The following NALF1 variants were observed in gnomAD, a reference collection of about 807,000 sequenced individuals.
NALF1 encodes NALCN channel auxiliary factor 1.
NALF1 carries 3 observed loss-of-function variants against 48.4 expected under a neutral mutation model. The observed-to-expected ratio is 0.06, with a 90% confidence interval of 0.03 to 0.16. The LOEUF (loss-of-function observed/expected upper bound fraction) is 0.16. Among genes scored for constraint, NALF1 ranks in the 10% least tolerant of loss-of-function variants. NALF1 has a pLI of 1.00. For synonymous variants in NALF1, 262 were observed against 245.7 expected (o/e 1.07, Z -0.62); for missense variants, 526 against 571.5 (o/e 0.92, Z 0.81).
At chr13:107,280,563 C>T (rs1320418537) in intron 1 of NALF1, among the ~76,000 whole-genome samples, 1 of 152,148 alleles carries the variant, frequency 6.6e-6, no homozygotes, top group Non-Finnish European at 1.5e-5. Context: ...CAGAAGGTCC[C>T]ACCACACTAT....
intron 2 of NALF1, among the ~76,000 whole-genome samples, chr13:107,205,490 T>A (rs1299995513): frequency 2.6e-5 from 4 of 151,782 alleles, no homozygotes; most frequent in African/African-American, 4.8e-5. Context: ...GCGCGCAGAG[T>A]CGCCACCAGG....
chr13:107,757,119 C>G (rs1293431077), intron 1 of NALF1, among the ~76,000 whole-genome samples: 2 of 152,092 alleles, frequency 1.3e-5, no homozygotes, highest in Admixed American at 1.3e-4. Context: ...AAGAAATAGC[C>G]CATGCCTTTA....
rs34271681 is a variant in NALF1 at position 107,241,051 on chromosome 13, T to TAAAAA, written c.916-30301_916-30297dup. The stretch of plus-strand genomic sequence containing the variant: ...CAACGTGGCGAAACCCCATATCTAC[T>TAAAAA]AAAAAAAAAAAAAAAAAAAAAAAGC... On this transcript the variant is annotated intron_variant, in intron 1 of 2. Coordinates refer to ENST00000375915, the MANE Select transcript of NALF1 (RefSeq NM_001080396.3). 3.3e-4 allele frequency among the ~76,000 whole-genome samples: 22 copies of TAAAAA among 66,370 alleles called. 1 individual carries two copies. Among genetic ancestry groups the TAAAAA allele is most frequent in the East Asian group, 6.1e-4 (1 of 1,652 alleles). The allele number at this position is 66,370 out of a possible 152,430, so 43.5% of individuals were successfully genotyped here.
At chr13:107,600,033 A>T (rs1878878596) in intron 1 of NALF1, among the ~76,000 whole-genome samples, 1 of 152,230 alleles carries the variant, frequency 6.6e-6, no homozygotes. Context: ...AACTAGATAA[A>T]TATCTCAGTT....
At chr13:107,643,224 T>G (rs1229281823) in intron 1 of NALF1, among the ~76,000 whole-genome samples, 1 of 152,206 alleles carries the variant, frequency 6.6e-6, no homozygotes, top group Non-Finnish European at 1.5e-5. Flanking sequence ...CACAGTGATG[T>G]TATACTTAAG....
At chr13:107,568,974 G>C (rs1449128771) in intron 1 of NALF1, among the ~76,000 whole-genome samples, 3 of 152,128 alleles carry the variant, frequency 2.0e-5, no homozygotes, top group African/African-American at 7.2e-5. Flanking sequence ...GATTATGCTT[G>C]TGATGTCCAA....
At chr13:107,392,854 G>A (rs1056286882) in intron 1 of NALF1, among the ~76,000 whole-genome samples, 4 of 152,122 alleles carry the variant, frequency 2.6e-5, no homozygotes, top group African/African-American at 9.7e-5. Flanking sequence ...TTTGGAAGGT[G>A]CCATCTACCA....
intron 1 of NALF1, among the ~76,000 whole-genome samples, chr13:107,800,367 T>A (rs1878568494): frequency 6.6e-6 from 1 of 151,940 alleles, no homozygotes; most frequent in Non-Finnish European, 1.5e-5. Context: ...CATATCACTT[T>A]TTCAGGAGTT....
chr13:107,255,653 C>T (rs1160099394), intron 1 of NALF1, among the ~76,000 whole-genome samples: 1 of 152,270 alleles, frequency 6.6e-6, no homozygotes, highest in East Asian at 1.9e-4. Flanking sequence ...TCAACATATA[C>T]CAAGTATATA....
chr13:107,749,488 A>G (rs987034286), intron 1 of NALF1, among the ~76,000 whole-genome samples: 1 of 152,096 alleles, frequency 6.6e-6, no homozygotes, highest in African/African-American at 2.4e-5. Flanking sequence ...ACTTAATTTT[A>G]ATACTGTATT....
chr13:107,821,426 G>T (rs984028190), intron 1 of NALF1, among the ~76,000 whole-genome samples: 15 of 152,148 alleles, frequency 9.9e-5, no homozygotes, highest in Non-Finnish European at 2.1e-4. Context: ...ACGCGTGAGG[G>T]CTCTAAGGCC....
At chr13:107,520,135 T>C (rs1405559117) in intron 1 of NALF1, among the ~76,000 whole-genome samples, 1 of 152,184 alleles carries the variant, frequency 6.6e-6, no homozygotes, top group East Asian at 1.9e-4. Context: ...TTGTACTAGC[T>C]CAAGTTATAC....
intron 1 of NALF1, among the ~76,000 whole-genome samples, chr13:107,397,745 A>T (rs555763641): frequency 6.6e-6 from 1 of 152,198 alleles, no homozygotes; most frequent in African/African-American, 2.4e-5. Flanking sequence ...TGCCCTAGGT[A>T]CCTAAGCCCT....
chr13:107,365,179 A>G (rs1424236175), intron 1 of NALF1, among the ~76,000 whole-genome samples: 1 of 151,662 alleles, frequency 6.6e-6, no homozygotes, highest in Non-Finnish European at 1.5e-5. Context: ...ACCAATGTGT[A>G]TGATGATGAA....
intron 1 of NALF1, among the ~76,000 whole-genome samples, chr13:107,439,512 T>A (rs1052705900): frequency 3.9e-5 from 6 of 152,202 alleles, no homozygotes; most frequent in Admixed American, 3.9e-4. Flanking sequence ...TAAAAATACT[T>A]TATGTGCCCT....
At chr13:107,471,005 C>T (rs1885091755) in intron 1 of NALF1, among the ~76,000 whole-genome samples, 1 of 152,198 alleles carries the variant, frequency 6.6e-6, no homozygotes, top group African/African-American at 2.4e-5. Context: ...ATCATTCCCA[C>T]AGCTGGAAAA....
At chr13:107,561,868 C>T (rs973752679) in intron 1 of NALF1, among the ~76,000 whole-genome samples, 2 of 152,098 alleles carry the variant, frequency 1.3e-5, no homozygotes, top group South Asian at 2.1e-4. Context: ...TATTGCTAGC[C>T]GTTAACGTGC....
chr13:107,798,120 T>C (rs1167659779), intron 1 of NALF1, among the ~76,000 whole-genome samples: 1 of 152,200 alleles, frequency 6.6e-6, no homozygotes, highest in African/African-American at 2.4e-5. Flanking sequence ...CCCCATGATT[T>C]AGGCTTTCTG....
chr13:107,274,429 C>T (rs1481327993), intron 1 of NALF1, among the ~76,000 whole-genome samples: 1 of 152,102 alleles, frequency 6.6e-6, no homozygotes, highest in Non-Finnish European at 1.5e-5. Flanking sequence ...TTTTAAATTA[C>T]TTGGGCATGG....
Sources: gnomAD v4.1 joint callset for allele counts (sites outside exome capture counted in the v4.1 genomes callset) on GRCh38, gnomAD v4.1.1 for gene constraint, MANE v1.5 for transcripts, NCBI Gene and HGNC (gene_info 2026-07-23, HGNC 2026-07-21) for gene names.